Variants in PTPRM observed in about 807,000 individuals in gnomAD.
The protein encoded by PTPRM is protein tyrosine phosphatase receptor type M.
PTPRM carries 47 observed loss-of-function variants against 186.7 expected under a neutral mutation model. The ratio of observed to expected loss-of-function variants is 0.25; its 90% confidence interval spans 0.20 to 0.32. The LOEUF (loss-of-function observed/expected upper bound fraction) is 0.32, where lower values mean the gene tolerates loss of function less well. Ranked by LOEUF, PTPRM falls within the 10% of genes least tolerant of loss-of-function variation. PTPRM has a pLI of 1.00. For missense variants in PTPRM, 1,494 were observed against 1,865.0 expected, an observed-to-expected ratio of 0.80 and a Z score of 3.66; for synonymous variants, 668 against 674.9, an observed-to-expected ratio of 0.99 and a Z score of 0.16.
At chr18:8,063,937 A>G (rs1256632451) in intron 7 of PTPRM, among the ~76,000 whole-genome samples, 1 of 152,050 alleles carries the variant, frequency 6.6e-6, no homozygotes, top group Non-Finnish European at 1.5e-5. Flanking sequence ...ATTACCTAAC[A>G]CCACTAGGGA....
chr18:8,218,594 G>A (rs1414714126), intron 14 of PTPRM, among the ~76,000 whole-genome samples: 1 of 152,200 alleles, frequency 6.6e-6, no homozygotes, highest in East Asian at 1.9e-4. Context: ...ACTCTTGGGG[G>A]ACAAGGGGAG....
At chr18:8,317,715 G>A (rs1186761939) in intron 21 of PTPRM, among the ~76,000 whole-genome samples, 2 of 152,130 alleles carry the variant, frequency 1.3e-5, no homozygotes, top group East Asian at 1.9e-4. Flanking sequence ...ATTTTAAGGG[G>A]ATTGATTATA....
At chr18:7,923,098 C>G (rs1307632272) in intron 4 of PTPRM, among the ~76,000 whole-genome samples, 1 of 152,146 alleles carries the variant, frequency 6.6e-6, no homozygotes, top group Non-Finnish European at 1.5e-5. Context: ...ATTTAACAAC[C>G]CTTCAGCACA....
At chr18:7,586,984 C>G (rs1194164956) in intron 1 of PTPRM, among the ~76,000 whole-genome samples, 1 of 152,166 alleles carries the variant, frequency 6.6e-6, no homozygotes, top group African/African-American at 2.4e-5. Flanking sequence ...CTCCCATTTT[C>G]TTTCCCTATA....
chr18:7,758,379 A>G (rs1020430909), intron 1 of PTPRM, among the ~76,000 whole-genome samples: 2 of 152,170 alleles, frequency 1.3e-5, no homozygotes, highest in Non-Finnish European at 2.9e-5. Context: ...TTAAAGAAAC[A>G]TTTTGTGTGA....
chr18:8,278,245 C>T (rs1049283930), intron 19 of PTPRM, among the ~76,000 whole-genome samples: 2 of 152,212 alleles, frequency 1.3e-5, no homozygotes, highest in African/African-American at 2.4e-5. Context: ...GGGAGCAATG[C>T]AAAGTATTAA....
At chr18:8,094,776 A>C (rs558615301) in intron 11 of PTPRM, among the ~76,000 whole-genome samples, 11 of 152,166 alleles carry the variant, frequency 7.2e-5, no homozygotes, top group Non-Finnish European at 1.6e-4. Flanking sequence ...CCTTTGGCAA[A>C]TGTTAAGGAG....
intron 14 of PTPRM, among the ~76,000 whole-genome samples, chr18:8,232,918 T>G (rs1477860322): frequency 6.7e-6 from 1 of 150,368 alleles, no homozygotes; most frequent in Non-Finnish European, 1.5e-5. Context: ...AGGAGGGGGG[T>G]GGTGGTTGTC....
At position 7,567,965 on chromosome 18, in the gene PTPRM, T is replaced by A; in HGVS notation, c.73+74T>A. 1 of 1,419,818 alleles carries A rather than the reference T, an allele frequency of 7.0e-7. No homozygotes were observed. The highest frequency in any genetic ancestry group is 9.3e-7 in the Non-Finnish European group (1 of 1,077,714). The allele number at this position is 1,419,818 out of a possible 1,614,324, so 88.0% of individuals were successfully genotyped here. ...GACGCCCGGGACGCCGACAGCTCCC[T>A]GGTGGTAGAGCCCTAAGGCTGGCGT... On this transcript the variant is annotated intron_variant, in intron 1 of 32. Transcript: ENST00000580170. The surrounding 1 kb of genome is among the most constrained non-coding windows in gnomAD (Gnocchi z 4.3).
chr18:7,981,850 G>A (rs1403958749), intron 7 of PTPRM, among the ~76,000 whole-genome samples: 1 of 152,148 alleles, frequency 6.6e-6, no homozygotes, highest in Non-Finnish European at 1.5e-5. Flanking sequence ...GAACACAATG[G>A]TATTTGTGTA....
At chr18:7,915,974 C>A (rs1051616494) in intron 4 of PTPRM, among the ~76,000 whole-genome samples, 3 of 152,146 alleles carry the variant, frequency 2.0e-5, no homozygotes, top group Non-Finnish European at 4.4e-5. Flanking sequence ...ATCTCACAGT[C>A]ATTTTGTTAA....
In PTPRM at chr18:8,288,104, C is replaced by T. The variant is rs185515869; in HGVS notation, c.2755-8264C>T. ...AAGTTTTATGTAATAAATCTAAACA[C>T]ATAGAAACCCTTTGGTCCAGCTTCT... On this transcript the variant is annotated intron_variant, in intron 19 of 32. Transcript: ENST00000580170. Among the ~76,000 whole-genome samples the T allele has an allele frequency of 7.2e-5, 11 of 152,318 alleles. No individual in the cohort carries two copies. The East Asian group carries it at 2.1e-3, about 29-fold the overall frequency.
rs1009800785 is a variant in PTPRM, at chr18:7,765,379, T to C, written c.74-8770T>C. 3.3e-5 allele frequency among the ~76,000 whole-genome samples: 5 copies of C among 152,226 alleles called. No homozygotes were observed. The East Asian group carries it at 7.7e-4, about 23-fold the overall frequency. On this transcript the variant is annotated intron_variant, in intron 1 of 32. Transcript: ENST00000580170. ...AAAAACTGCTTGCTAAATTAAATTATGTAGAAGAGCCTTTCTATAATGCTT... is the reference window on the plus strand; with the variant it reads ...AAAAACTGCTTGCTAAATTAAATTACGTAGAAGAGCCTTTCTATAATGCTT...
intron 2 of PTPRM, 113 bp from the exon 3 acceptor site, chr18:7,887,993 C>T (rs1283174159): frequency 7.9e-7 from 1 of 1,261,032 alleles, no homozygotes; most frequent in East Asian, 2.3e-5. Context: ...GCAGTTTAAG[C>T]CTAAGTAAGA....
intron 23 of PTPRM, among the ~76,000 whole-genome samples, chr18:8,354,211 T>C (rs1358412909): frequency 2.6e-5 from 1 of 38,790 alleles, no homozygotes; most frequent in Non-Finnish European, 9.9e-5. Context: ...AGATTCCGTC[T>C]TAAAAAAAAA....
At chr18:7,881,362 G>A (rs1392494757) in intron 2 of PTPRM, among the ~76,000 whole-genome samples, 1 of 152,204 alleles carries the variant, frequency 6.6e-6, no homozygotes, top group Non-Finnish European at 1.5e-5. Flanking sequence ...TTGAACCCAG[G>A]AGGCAGAGGT....
At chr18:7,599,826 G>GC (rs778034474) in intron 1 of PTPRM, among the ~76,000 whole-genome samples, 36 of 152,288 alleles carry the variant, frequency 2.4e-4, no homozygotes, top group South Asian at 6.2e-4. Flanking sequence ...TGGGGACTGT[G>GC]CACTGTGCAT....
chr18:7,590,313 A>T (rs996903496), intron 1 of PTPRM, among the ~76,000 whole-genome samples: 3 of 152,180 alleles, frequency 2.0e-5, no homozygotes, highest in Non-Finnish European at 4.4e-5. Context: ...TGAAGAAGAT[A>T]GTAAGGTGTG....
chr18:7,834,608 C>A (rs2045942297), intron 2 of PTPRM, among the ~76,000 whole-genome samples: 1 of 149,732 alleles, frequency 6.7e-6, no homozygotes, highest in Admixed American at 6.6e-5. Flanking sequence ...ATATCACAGT[C>A]ATACTGACCT....
Sources: allele counts gnomAD v4.1 joint callset (sites outside exome capture counted in the v4.1 genomes callset), GRCh38; gene constraint gnomAD v4.1.1; non-coding constraint Gnocchi (gnomAD v3.1); transcripts MANE v1.5; gene names NCBI Gene and HGNC (gene_info 2026-07-23, HGNC 2026-07-21).